The following ZNF599 variants were observed in gnomAD, a reference collection of about 807,000 sequenced individuals.
The protein encoded by ZNF599 is zinc finger protein 599.
In ZNF599, 10 loss-of-function variants were observed where a neutral mutation model predicts 11.7. That is an observed-to-expected ratio of 0.86 (90% CI 0.53 to 1.45). The LOEUF (loss-of-function observed/expected upper bound fraction) is 1.45. ZNF599 is among the 40% of genes most tolerant of loss of function. The pLI is 0.00. For synonymous variants in ZNF599, 232 were observed against 253.2 expected (o/e 0.92, Z 0.79); for missense variants, 688 against 713.6 (o/e 0.96, Z 0.41).
In ZNF599 at chr19:34,760,224, C is replaced by T; in HGVS notation, c.577G>A (p.Asp193Asn). ...CATGTGTAAGGGTTATTCCTTGCAT[C>T]AGTCATGGGGTCTTTTCCTGGTCCT... ...SQGPGKDPMTDARNNPYTCTE... is the reference protein window; with the variant it reads ...SQGPGKDPMTNARNNPYTCTE... The change falls in exon 4 of 4, where the codon GAT becomes AAT. Residue 193 changes from aspartate to asparagine, a missense_variant. Transcript: ENST00000329285. 6.2e-7 allele frequency: 1 copy of T among 1,614,170 alleles called. No homozygotes were observed. The highest frequency in any genetic ancestry group is 8.5e-7 in the Non-Finnish European group (1 of 1,180,048).
intron 1 of ZNF599, among the ~76,000 whole-genome samples, chr19:34,771,913 G>C (rs2145465971): frequency 6.6e-6 from 1 of 152,310 alleles, no homozygotes; most frequent in Non-Finnish European, 1.5e-5. Flanking sequence ...CAACACAAGA[G>C]TGAGAAGACC....
chr19:34,797,105 T>C, the ZNF599 span, among the ~76,000 whole-genome samples: 3 of 152,172 alleles, frequency 2.0e-5, no homozygotes, highest in Non-Finnish European at 1.5e-5. Context: ...AGAATGATGA[T>C]TTCCAGCTTC....
Position 34,759,571 on chromosome 19 carries a change from G to GA in ZNF599, c.1229dup (p.Ile411HisfsTer4), listed in dbSNP as rs1477455077. 1.2e-6 allele frequency: 2 copies of GA among 1,612,086 alleles called. No individual in the cohort carries two copies. The highest frequency in any genetic ancestry group is 2.7e-5 in the African/African-American group (2 of 74,234). On this transcript the variant is annotated frameshift_variant, in exon 4 of 4. Transcript: ENST00000329285. LOFTEE classifies it low-confidence loss of function (END_TRUNC). ...CGGTATGGGTCCTCTTATGTCGGAT[G>GA]AAAGTGGAGCGATGAGTAAAGGCCT...
chr19:34,798,363 C>T, the ZNF599 span, among the ~76,000 whole-genome samples: 1 of 152,130 alleles, frequency 6.6e-6, no homozygotes, highest in South Asian at 2.1e-4. Flanking sequence ...CATGCATATG[C>T]CATCTGTATC....
the ZNF599 span, among the ~76,000 whole-genome samples, chr19:34,789,815 T>C: frequency 1.3e-5 from 2 of 152,218 alleles, no homozygotes; most frequent in African/African-American, 4.8e-5. Flanking sequence ...CTTCACTCTG[T>C]TGACTGTTTC....
chr19:34,773,114 T>C lies in ZNF599; in HGVS notation c.-273A>G, dbSNP rs2069196671. On this transcript the variant is annotated 5_prime_UTR_variant, in exon 1 of 4. Transcript: ENST00000329285. ...GGTCCTATCCTCCTCACTGTCCGTC[T>C]CTACTCGGTCTCGAAAAGTGGCCCC... The C allele has an allele frequency of 2.4e-6, 1 of 424,568 alleles. No homozygotes were observed. The highest frequency in any genetic ancestry group is 4.2e-5 in the Admixed American group (1 of 23,566). The allele number at this position is 424,568 out of a possible 1,614,324, so 26.3% of individuals were successfully genotyped here.
chr19:34,758,699 A>G lies in ZNF599; in HGVS notation c.*335T>C, dbSNP rs535357553. 8 of 193,516 alleles carry G rather than the reference A, an allele frequency of 4.1e-5. No individual in the cohort carries two copies. In the East Asian group the frequency reaches 5.1e-4, roughly 12 times the overall value. 12.0% of individuals were successfully genotyped at this position (193,516 alleles called of 1,614,324 possible). A position where few individuals can be genotyped will look rare whatever the true frequency, so the allele number is the denominator to read the frequency against. ...CTCATTATTTTAAAATATGCTTGAG[A>G]TGGATTTATAGTATTAATAAGAGGA... On this transcript the variant is annotated 3_prime_UTR_variant, in exon 4 of 4. Coordinates refer to ENST00000329285, the MANE Select transcript of ZNF599 (RefSeq NM_001007248.3).
Position 34,759,028 on chromosome 19 carries a change from T to A in ZNF599, c.*6A>T. The A allele has an allele frequency of 6.3e-7, 1 of 1,599,384 alleles. No homozygotes were observed. Among genetic ancestry groups the A allele is most frequent in the Non-Finnish European group, 8.5e-7 (1 of 1,171,238 alleles). On this transcript the variant is annotated 3_prime_UTR_variant, in exon 4 of 4. Coordinates refer to ENST00000329285, the MANE Select transcript of ZNF599 (RefSeq NM_001007248.3). Reference sequence around the variant, plus strand: ...AACACACTTGTAATAGGCCTTCCTGTATCTTTTAAACTCTGGTATGAATCT... The same window carrying A: ...AACACACTTGTAATAGGCCTTCCTGAATCTTTTAAACTCTGGTATGAATCT...
In ZNF599 at chr19:34,759,385, G is replaced by A; in HGVS notation, c.1416C>T (p.Thr472=). 2 of 1,613,952 alleles carry A rather than the reference G, an allele frequency of 1.2e-6. No individual in the cohort carries two copies. Among genetic ancestry groups the A allele is most frequent in the East Asian group, 4.5e-5 (2 of 44,868 alleles). The stretch of plus-strand genomic sequence containing the variant: ...ACTCCAAGGGTTTTTGTCCACTGTG[G>A]GTCCTATTATGTCGAATAAAAACAG... ...HHSVFIRHNR[T]HSGQKPLECK... Residue 472 remains threonine, a synonymous_variant, in exon 4 of 4, where the codon ACC becomes ACT. Transcript: ENST00000329285.
Position 34,759,455 on chromosome 19 carries a change from T to G in ZNF599, c.1346A>C (p.Lys449Thr), listed in dbSNP as rs1814116084. ...TCCACATTCACTGCACTCATAAGGC[T>G]TCTCACCAGTGTGAATCCTCATATG... Reference protein sequence around the residue: ...IQHMRIHTGEKPYECSECGKA... With the variant: ...IQHMRIHTGETPYECSECGKA... The change falls in exon 4 of 4, where the codon AAG becomes ACG. Residue 449 changes from lysine (K) to threonine (T), a missense_variant. Coordinates refer to ENST00000329285, the MANE Select transcript of ZNF599 (RefSeq NM_001007248.3). 1 of 1,614,042 alleles carries G rather than the reference T, an allele frequency of 6.2e-7. No individual in the cohort carries two copies. The highest frequency in any genetic ancestry group is 1.3e-5 in the African/African-American group (1 of 74,932).
chr19:34,759,668 A>G lies in ZNF599; in HGVS notation c.1133T>C (p.Leu378Pro). 6.2e-7 allele frequency: 1 copy of G among 1,613,562 alleles called. No individual in the cohort carries two copies. Among genetic ancestry groups the G allele is most frequent in the Non-Finnish European group, 8.5e-7 (1 of 1,179,900 alleles). The change falls in exon 4 of 4, where the codon CTC becomes CCC. Residue 378 changes from leucine to proline, a missense_variant. Physicochemically the swap from Leu to Pro is moderately conservative, Grantham distance 98. Transcript: ENST00000329285. ...CATGTGCTGAGTGAAGGATGAGTTG[A>G]GGCAAAAGGTTTTTCCACATTCTTT... is the stretch of plus-strand genomic sequence containing the variant. The part of the protein sequence containing the change: ...LCKECGKTFC[L>P]NSSFTQHMRI...
chr19:34,770,287 T>C (rs974065215), intron 1 of ZNF599, among the ~76,000 whole-genome samples: 4 of 152,238 alleles, frequency 2.6e-5, no homozygotes, highest in African/African-American at 9.6e-5. Context: ...AAGCAGGATT[T>C]GAACCCACAT....
At chr19:34,797,083 G>A in the ZNF599 span, among the ~76,000 whole-genome samples, 9 of 151,640 alleles carry the variant, frequency 5.9e-5, no homozygotes, top group Admixed American at 1.3e-4. Context: ...TTGTCCTTGC[G>A]ATAGTTTGCT....
At chr19:34,805,411 T>C in the ZNF599 span, among the ~76,000 whole-genome samples, 42 of 152,222 alleles carry the variant, frequency 2.8e-4, no homozygotes, top group African/African-American at 9.9e-4. Context: ...TTGGCCAGGA[T>C]GGTCTCAATC....
chr19:34,776,872 C>T (rs933218769), upstream of ZNF599, among the ~76,000 whole-genome samples: 8 of 152,026 alleles, frequency 5.3e-5, no homozygotes, highest in Non-Finnish European at 8.8e-5. Context: ...GATTAAGGGG[C>T]GGTTTATGCA....
intron 3 of ZNF599, chr19:34,765,502 T>C: frequency 2.9e-6 from 2 of 696,016 alleles, no homozygotes; most frequent in Admixed American, 2.0e-5. Context: ...TGTTTTCAGC[T>C]GCAGGGTTTG....
In ZNF599 at chr19:34,758,938, A is replaced by G; in HGVS notation, c.*96T>C. 1.5e-6 allele frequency: 2 copies of G among 1,329,188 alleles called. No homozygotes were observed. The highest frequency in any genetic ancestry group is 4.6e-5 in the East Asian group (2 of 43,032). 82.3% of individuals were successfully genotyped at this position (1,329,188 alleles called of 1,614,324 possible). On this transcript the variant is annotated 3_prime_UTR_variant, in exon 4 of 4. Transcript: ENST00000329285. ...ATACTAAGACATCTCTCTGGCCAAA[A>G]TATTTCCCTCAATAGTTATACTCAA...
At chr19:34,802,400 G>T in the ZNF599 span, among the ~76,000 whole-genome samples, 1 of 152,306 alleles carries the variant, frequency 6.6e-6, no homozygotes, top group South Asian at 2.1e-4. Flanking sequence ...ATTTGCTGAT[G>T]ACACAAGAGG....
At chr19:34,807,041 C>T in the ZNF599 span, among the ~76,000 whole-genome samples, 395 of 152,318 alleles carry the variant, frequency 2.6e-3, no homozygotes, top group African/African-American at 9.1e-3. Context: ...GCAGGTGTGA[C>T]TTCTCTTCAC....
Sources: allele counts gnomAD v4.1 joint callset (sites outside exome capture counted in the v4.1 genomes callset), GRCh38; gene constraint gnomAD v4.1.1; transcripts MANE v1.5; gene names NCBI Gene and HGNC (gene_info 2026-07-23, HGNC 2026-07-21).